The following HERC4 variants were observed in gnomAD, a reference collection of about 807,000 sequenced individuals.
The protein encoded by HERC4 is probable E3 ubiquitin-protein ligase HERC4.
A neutral mutation model predicts 124.3 loss-of-function variants in HERC4; 28 were observed. That is an observed-to-expected ratio of 0.23 (90% CI 0.17 to 0.31). The LOEUF (loss-of-function observed/expected upper bound fraction) is 0.31, where lower values mean the gene tolerates loss of function less well. Ranked by LOEUF, HERC4 falls within the 10% of genes least tolerant of loss-of-function variation. HERC4 has a pLI of 1.00. For synonymous variants in HERC4, 407 were observed against 421.5 expected (o/e 0.97, Z 0.42); for missense variants, 713 against 1,229.3 (o/e 0.58, Z 6.28).
At chr10:68,034,277 A>G in intron 5 of HERC4, 91 bp from the exon 6 acceptor site, 5 of 929,324 alleles carry the variant, frequency 5.4e-6, no homozygotes, top group South Asian at 4.8e-5. Flanking sequence ...TTTCATATAA[A>G]GAATATTATT....
chr10:67,923,237 A>T (rs958313109), intron 24 of HERC4, 98 bp from the exon 25 acceptor site: 4 of 859,218 alleles, frequency 4.7e-6, no homozygotes, highest in Non-Finnish European at 7.4e-6. Context: ...CTTCACTTTA[A>T]CATCTGCTCT....
Position 67,923,001 on chromosome 10 carries a change from G to A in HERC4, c.3080C>T (p.Thr1027Ile), listed in dbSNP as rs992578577. 3 of 1,613,570 alleles carry A rather than the reference G, an allele frequency of 1.9e-6. No homozygotes were observed. Among genetic ancestry groups the A allele is most frequent in the Non-Finnish European group, 2.5e-6 (3 of 1,179,684 alleles). ...TTTAGAGCGTAGAGTTTCTTTTTCTGTATATTTTGGAAGATCCAGAAGATT... is the reference window on the plus strand; with the variant it reads ...TTTAGAGCGTAGAGTTTCTTTTTCTATATATTTTGGAAGATCCAGAAGATT... ...CFNLLDLPKY[T>I]EKETLRSKLI... The change falls in exon 25 of 25, where the codon ACA becomes ATA. Residue 1027 changes from threonine (T) to isoleucine (I), a missense_variant. Coordinates refer to ENST00000373700, the MANE Select transcript of HERC4 (RefSeq NM_015601.4).
intron 12 of HERC4, 27 bp from the exon 13 acceptor site, chr10:67,991,042 AT>A (rs780840364): frequency 1.4e-5 from 15 of 1,038,142 alleles, no homozygotes; most frequent in Admixed American, 1.4e-4. Context: ...AAAAAAAAAA[AT>A]AGAATAAAAA....
chr10:68,016,205 C>T (rs974318492), intron 8 of HERC4, among the ~76,000 whole-genome samples: 1 of 152,070 alleles, frequency 6.6e-6, no homozygotes, highest in South Asian at 2.1e-4. Flanking sequence ...TGTAAGAGCT[C>T]GAAAGCACTT....
intron 15 of HERC4, among the ~76,000 whole-genome samples, chr10:67,977,963 A>T (rs2035694870): frequency 6.6e-6 from 1 of 151,526 alleles, no homozygotes; most frequent in Non-Finnish European, 1.5e-5. Context: ...CCTGGGCAAT[A>T]GAGCCAGACC....
chr10:67,981,837 A>G (rs560117956), intron 15 of HERC4, among the ~76,000 whole-genome samples: 1 of 152,242 alleles, frequency 6.6e-6, no homozygotes, highest in East Asian at 1.9e-4. Flanking sequence ...GCTTCTTGGG[A>G]GGCTGAGACA....
chr10:68,057,049 A>C (rs1443234602), intron 3 of HERC4, among the ~76,000 whole-genome samples: 1 of 152,126 alleles, frequency 6.6e-6, no homozygotes, highest in Non-Finnish European at 1.5e-5. Flanking sequence ...TCCATTTTAA[A>C]TGTTCCTTTT....
intron 3 of HERC4, among the ~76,000 whole-genome samples, chr10:68,059,571 TATATC>T (rs1347155085): frequency 2.5e-5 from 2 of 80,770 alleles, no homozygotes; most frequent in Non-Finnish European, 3.8e-5. Flanking sequence ...CATAATATTA[TATATC>T]ATATTATATA....
intron 15 of HERC4, among the ~76,000 whole-genome samples, chr10:67,973,526 TTTTAGA>T (rs1421398976): frequency 1.3e-5 from 2 of 152,102 alleles, no homozygotes; most frequent in Non-Finnish European, 2.9e-5. Context: ...GGAAATAAGG[TTTTAGA>T]TTTAAAAAGT....
chr10:67,938,454 A>G (rs1589134150), intron 21 of HERC4, among the ~76,000 whole-genome samples: 1 of 151,950 alleles, frequency 6.6e-6, no homozygotes, highest in African/African-American at 2.4e-5. Flanking sequence ...AAAGAAAAAA[A>G]AAAAGAAAAG....
At chr10:67,996,686 T>C (rs762939826) in intron 9 of HERC4, among the ~76,000 whole-genome samples, 41 of 152,126 alleles carry the variant, frequency 2.7e-4, no homozygotes, top group Non-Finnish European at 4.6e-4. Context: ...AGTATTAATA[T>C]GAAAATCATT....
intron 3 of HERC4, among the ~76,000 whole-genome samples, chr10:68,065,328 T>C (rs1333599849): frequency 6.6e-6 from 1 of 152,140 alleles, no homozygotes; most frequent in Non-Finnish European, 1.5e-5. Context: ...CAGAATAGTA[T>C]AACACCTAGC....
rs1438958312 is a variant in HERC4, at chr10:68,059,696, T to TATATATC, written c.226+13186_226+13187insGATATAT. On this transcript the variant is annotated intron_variant, in intron 3 of 24. Coordinates refer to ENST00000373700, the MANE Select transcript of HERC4 (RefSeq NM_015601.4). ...TATTATATATCATAATATTATATAT[T>TATATATC]ATAATATTATATATCATAATATTAT... 6.7e-5 allele frequency among the ~76,000 whole-genome samples: 4 copies of TATATATC among 59,872 alleles called. 1 individual carries two copies. Among genetic ancestry groups the TATATATC allele is most frequent in the South Asian group, 1.0e-3 (2 of 1,986 alleles). The allele number at this position is 59,872 out of a possible 152,430, so 39.3% of individuals were successfully genotyped here.
intron 14 of HERC4, 46 bp from the exon 15 acceptor site, chr10:67,988,881 A>C (rs113569708): frequency 3.4e-6 from 5 of 1,482,718 alleles, no homozygotes; most frequent in Non-Finnish European, 4.6e-6. Flanking sequence ...TTTTTTAAAA[A>C]ATCACAATTT....
intron 19 of HERC4, among the ~76,000 whole-genome samples, chr10:67,949,347 T>C (rs1344446664): frequency 6.6e-6 from 1 of 152,082 alleles, no homozygotes; most frequent in Admixed American, 6.6e-5. Context: ...GATCAGATTC[T>C]ACCAAACATT....
In HERC4 at chr10:67,994,210, C is replaced by T. The variant is rs752940642; in HGVS notation, c.1070-1528G>A. On this transcript the variant is annotated intron_variant, in intron 9 of 24. Coordinates refer to ENST00000373700, the MANE Select transcript of HERC4 (RefSeq NM_015601.4). Reference sequence around the variant, plus strand: ...TTTATTAAATAAGCCAATTATTCAACCTAAAATCTTTTTTCTAAATAATTC... The same window carrying T: ...TTTATTAAATAAGCCAATTATTCAATCTAAAATCTTTTTTCTAAATAATTC... The T allele has an allele frequency of 1.3e-4, 20 of 152,192 alleles. No homozygotes were observed. The South Asian group carries it at 1.7e-3, about 13-fold the overall frequency. The allele number at this position is 152,192 out of a possible 1,614,324, so 9.4% of individuals were successfully genotyped here.
chr10:68,047,482 A>G (rs1564590987), intron 3 of HERC4, among the ~76,000 whole-genome samples: 1 of 152,242 alleles, frequency 6.6e-6, no homozygotes, highest in Non-Finnish European at 1.5e-5. Flanking sequence ...GCTGATAAAG[A>G]AGTATTAATC....
chr10:68,046,132 C>CAAA (rs532386531), intron 3 of HERC4, among the ~76,000 whole-genome samples: 1 of 131,794 alleles, frequency 7.6e-6, no homozygotes, highest in African/African-American at 2.7e-5. Flanking sequence ...CACACTGTTC[C>CAAA]AAAAAAAAAA....
intron 3 of HERC4, among the ~76,000 whole-genome samples, chr10:68,058,837 CAA>C (rs1269334135): frequency 3.0e-5 from 4 of 135,212 alleles, no homozygotes. Context: ...ACTCTAATTC[CAA>C]AAAAAAAAAA....
Sources: allele counts gnomAD v4.1 joint callset (sites outside exome capture counted in the v4.1 genomes callset), GRCh38; gene constraint gnomAD v4.1.1; transcripts MANE v1.5; gene names NCBI Gene and HGNC (gene_info 2026-07-23, HGNC 2026-07-21).